The following ZNF385B variants were observed in gnomAD, a reference collection of about 807,000 sequenced individuals.
ZNF385B encodes the protein zinc finger protein 533.
In ZNF385B, 23 loss-of-function variants were observed where a neutral mutation model predicts 39.2. The observed-to-expected ratio is 0.59, with a 90% CI of 0.42 to 0.83. The LOEUF is 0.83. Ranked by LOEUF, ZNF385B falls within the 40% of genes least tolerant of loss-of-function variation. The pLI, the probability that ZNF385B is intolerant of heterozygous loss-of-function variation, is 0.00. For missense variants in ZNF385B, 552 were observed against 598.9 expected, an observed-to-expected ratio of 0.92 and a Z score of 0.82; for synonymous variants, 205 against 222.6, an observed-to-expected ratio of 0.92 and a Z score of 0.70.
chr2:179,600,378 A>T (rs1688321039), intron 3 of ZNF385B, among the ~76,000 whole-genome samples: 1 of 152,212 alleles, frequency 6.6e-6, no homozygotes, highest in Admixed American at 6.5e-5. Flanking sequence ...TAGCATCGTG[A>T]CTAAAAAAAC....
chr2:179,664,865 T>G (rs1694948535), intron 3 of ZNF385B, among the ~76,000 whole-genome samples: 1 of 152,200 alleles, frequency 6.6e-6, no homozygotes, highest in African/African-American at 2.4e-5. Context: ...ATTGCAGGAT[T>G]TTTGTTTATT....
chr2:179,762,995 C>T (rs1034734049), intron 3 of ZNF385B, among the ~76,000 whole-genome samples: 2 of 152,188 alleles, frequency 1.3e-5, no homozygotes, highest in African/African-American at 2.4e-5. Flanking sequence ...ACCTGTGCCT[C>T]CTGGGTTCCA....
At chr2:179,645,123 G>T (rs187504252) in intron 3 of ZNF385B, among the ~76,000 whole-genome samples, 44 of 152,252 alleles carry the variant, frequency 2.9e-4, no homozygotes, top group South Asian at 6.2e-4. Flanking sequence ...AATACTACAG[G>T]TACACTCCAA....
intron 3 of ZNF385B, among the ~76,000 whole-genome samples, chr2:179,588,008 G>C (rs1300728997): frequency 6.6e-6 from 1 of 152,138 alleles, no homozygotes; most frequent in Admixed American, 6.5e-5. Context: ...ACTGAGGTGA[G>C]GTGAAAAAAT....
At chr2:179,737,543 T>G (rs928762258) in intron 3 of ZNF385B, among the ~76,000 whole-genome samples, 1 of 152,174 alleles carries the variant, frequency 6.6e-6, no homozygotes, top group African/African-American at 2.4e-5. Flanking sequence ...TTTCAGACCC[T>G]AACTTTTATT....
intron 3 of ZNF385B, among the ~76,000 whole-genome samples, chr2:179,700,095 C>CAA (rs11413272): frequency 9.4e-4 from 139 of 148,072 alleles, no homozygotes; most frequent in Non-Finnish European, 1.5e-3. Flanking sequence ...CAGATCTTGC[C>CAA]AAAAAAAAAA....
In ZNF385B at chr2:179,499,659, T is replaced by C. The variant is rs919564650; in HGVS notation, c.553-16225A>G. 7.2e-5 allele frequency among the ~76,000 whole-genome samples: 11 copies of C among 152,118 alleles called. No homozygotes were observed. In the South Asian group the frequency reaches 8.3e-4, roughly 11 times the overall value. On this transcript the variant is annotated intron_variant, in intron 5 of 9. Transcript: ENST00000410066. ...AACACACCTAATAATAAAAGCCATA[T>C]ACTACAGACCTATGGCTAGTATTAT...
intron 3 of ZNF385B, among the ~76,000 whole-genome samples, chr2:179,749,028 C>T (rs935013998): frequency 6.6e-6 from 1 of 152,060 alleles, no homozygotes; most frequent in African/African-American, 2.4e-5. Context: ...AAGGAAACTG[C>T]ATTTATTTTT....
chr2:179,729,881 G>A (rs7606686), intron 3 of ZNF385B, among the ~76,000 whole-genome samples: 146,561 of 152,208 alleles, frequency 0.96, 70,785 homozygotes, highest in East Asian at 1. Context: ...GCCTGCCACC[G>A]TGTAAGATGT....
chr2:179,459,490 T>C (rs1574244001), intron 6 of ZNF385B, among the ~76,000 whole-genome samples: 1 of 152,118 alleles, frequency 6.6e-6, no homozygotes, highest in Middle Eastern at 3.4e-3. Context: ...GAGCACCTAT[T>C]ATGTGCTATA....
At chr2:179,554,602 G>A (rs1423027172) in intron 3 of ZNF385B, among the ~76,000 whole-genome samples, 3 of 148,794 alleles carry the variant, frequency 2.0e-5, no homozygotes, top group African/African-American at 7.6e-5. Context: ...AATCATAAAA[G>A]AAAAAAATTG....
chr2:179,570,271 G>A (rs1685061915), intron 3 of ZNF385B, among the ~76,000 whole-genome samples: 1 of 152,114 alleles, frequency 6.6e-6, no homozygotes, highest in Non-Finnish European at 1.5e-5. Flanking sequence ...GAAAGGATGG[G>A]CTCTCAACAT....
chr2:179,603,203 A>G (rs778261486), intron 3 of ZNF385B, among the ~76,000 whole-genome samples: 7 of 152,134 alleles, frequency 4.6e-5, no homozygotes, highest in Non-Finnish European at 8.8e-5. Flanking sequence ...GGCCCCAGAC[A>G]CATCAGTCTA....
At chr2:179,487,727 A>G (rs1213167573) in intron 5 of ZNF385B, among the ~76,000 whole-genome samples, 2 of 152,210 alleles carry the variant, frequency 1.3e-5, no homozygotes, top group Non-Finnish European at 2.9e-5. Context: ...AATGGCTTGC[A>G]TTCTGCTTCC....
At chr2:179,631,755 G>A (rs1052684997) in intron 3 of ZNF385B, among the ~76,000 whole-genome samples, 2 of 152,270 alleles carry the variant, frequency 1.3e-5, no homozygotes, top group East Asian at 1.9e-4. Context: ...ACCCATCGGT[G>A]TGCTGTATTC....
chr2:179,577,323 C>T (rs1185935432), intron 3 of ZNF385B, among the ~76,000 whole-genome samples: 2 of 152,072 alleles, frequency 1.3e-5, no homozygotes, highest in African/African-American at 2.4e-5. Context: ...ACTTCTAGTT[C>T]ATTAGAACTC....
intron 1 of ZNF385B, among the ~76,000 whole-genome samples, chr2:179,803,328 AACAG>A (rs1190891587): frequency 2.0e-5 from 3 of 152,174 alleles, no homozygotes; most frequent in Admixed American, 6.5e-5. Flanking sequence ...TTAACAAAAA[AACAG>A]ACAAAGTAAT....
chr2:179,544,472 G>C (rs2060106795), intron 4 of ZNF385B, among the ~76,000 whole-genome samples: 1 of 151,952 alleles, frequency 6.6e-6, no homozygotes, highest in Non-Finnish European at 1.5e-5. Flanking sequence ...TAAGAGAAGG[G>C]AAAAATCAAT....
In ZNF385B at chr2:179,769,557, C is replaced by T. The variant is rs564593495; in HGVS notation, c.244G>A (p.Asp82Asn). Residue 82 changes from aspartate (D) to asparagine (N), a missense_variant, in exon 3 of 10, where the codon GAT becomes AAT. Physicochemically the swap from Asp to Asn is conservative, Grantham distance 23 (BLOSUM62 1). Transcript: ENST00000410066. ...SHRKRVKQLS[D>N]GQPPPPAQAS... Reference sequence around the variant, plus strand: ...TGGGCGGGTGGTGGGGGCTGCCCATCACTCAGCTGCTTCACTCGTTTGCGG... The same window carrying T: ...TGGGCGGGTGGTGGGGGCTGCCCATTACTCAGCTGCTTCACTCGTTTGCGG... 6.2e-7 allele frequency: 1 copy of T among 1,614,196 alleles called. No individual in the cohort carries two copies. Among genetic ancestry groups the T allele is most frequent in the East Asian group, 2.2e-5 (1 of 44,884 alleles).
Sources: allele counts gnomAD v4.1 joint callset (sites outside exome capture counted in the v4.1 genomes callset), GRCh38; gene constraint gnomAD v4.1.1; transcripts MANE v1.5; gene names NCBI Gene and HGNC (gene_info 2026-07-23, HGNC 2026-07-21).